Variants in ADCY9 observed in about 807,000 individuals in gnomAD.
ADCY9 encodes adenylate cyclase 9, also known as adenylate cyclase type 9.
ADCY9 carries 50 observed loss-of-function variants against 101.5 expected under a neutral mutation model. The observed-to-expected ratio is 0.49, with a 90% confidence interval of 0.39 to 0.62. The LOEUF (loss-of-function observed/expected upper bound fraction) is 0.62, where lower values mean the gene tolerates loss of function less well. Among genes scored for constraint, ADCY9 ranks in the 20% least tolerant of loss-of-function variants. The pLI is 0.00. For synonymous variants in ADCY9, 905 were observed against 769.3 expected (o/e 1.18, Z -2.92); for missense variants, 1,662 against 1,800.4 (o/e 0.92, Z 1.39).
intron 2 of ADCY9, among the ~76,000 whole-genome samples, chr16:4,021,848 T>G (rs749173641): frequency 6.6e-6 from 1 of 152,204 alleles, no homozygotes; most frequent in East Asian, 1.9e-4. Context: ...TTGAAACGCA[T>G]GAAATCCCCT....
chr16:4,046,102 C>T (rs756051244), intron 2 of ADCY9, among the ~76,000 whole-genome samples: 1 of 152,160 alleles, frequency 6.6e-6, no homozygotes, highest in East Asian at 1.9e-4. Context: ...ACTCCTGCCT[C>T]GGCCTCCCAA....
At chr16:4,086,221 G>A (rs1172950932) in intron 2 of ADCY9, among the ~76,000 whole-genome samples, 1 of 152,000 alleles carries the variant, frequency 6.6e-6, no homozygotes, top group Non-Finnish European at 1.5e-5. Context: ...CACATCTATC[G>A]AGGGGGAGGA....
chr16:3,993,417 T>C lies in ADCY9; in HGVS notation c.1978A>G (p.Asn660Asp). 6.2e-7 allele frequency: 1 copy of C among 1,614,138 alleles called. No individual in the cohort carries two copies. Among genetic ancestry groups the C allele is most frequent in the Non-Finnish European group, 8.5e-7 (1 of 1,179,956 alleles). ...PQNGCQDEHK[N>D]STKASGGPNP... ...CATGAGCTTGTTACCTTGGTGCTGT[T>C]TTTATGCTCGTCTTGGCAGCCGTTT... Residue 660 changes from asparagine to aspartate, a missense_variant, in exon 4 of 11, where the codon AAC (asparagine) becomes GAC (aspartate). Asn to Asp is a conservative substitution (Grantham distance 23). Coordinates refer to ENST00000294016, the MANE Select transcript of ADCY9 (RefSeq NM_001116.4).
At chr16:4,113,461 C>G (rs1255782554) in intron 2 of ADCY9, among the ~76,000 whole-genome samples, 1 of 152,208 alleles carries the variant, frequency 6.6e-6, no homozygotes, top group African/African-American at 2.4e-5. Flanking sequence ...ATTCACCGGA[C>G]GTGCCCCCAC....
At chr16:4,083,047 G>A (rs1269872745) in intron 2 of ADCY9, among the ~76,000 whole-genome samples, 1 of 152,220 alleles carries the variant, frequency 6.6e-6, no homozygotes, top group Non-Finnish European at 1.5e-5. Context: ...AAAGACAGCA[G>A]AGAGCAAAGA....
intron 2 of ADCY9, among the ~76,000 whole-genome samples, chr16:4,065,993 C>T (rs553015415): frequency 2.6e-5 from 4 of 152,326 alleles, no homozygotes; most frequent in South Asian, 2.1e-4. Context: ...CGTGAGCCTC[C>T]GCGCCTGGAC....
intron 2 of ADCY9, among the ~76,000 whole-genome samples, chr16:4,103,786 A>G (rs898395247): frequency 6.6e-6 from 1 of 152,076 alleles, no homozygotes; most frequent in African/African-American, 2.4e-5. Context: ...AGCCAAGATC[A>G]CACCACTGCA....
At chr16:3,966,996 G>C (rs1353609109) in intron 10 of ADCY9, 30 bp from the exon 11 acceptor site, 1 of 1,576,370 alleles carries the variant, frequency 6.3e-7, no homozygotes, top group African/African-American at 1.4e-5. Context: ...GAAAGGGAGA[G>C]GTTACTGCTC....
intron 2 of ADCY9, among the ~76,000 whole-genome samples, chr16:4,020,260 C>G (rs1006590322): frequency 6.6e-6 from 1 of 152,062 alleles, no homozygotes; most frequent in Non-Finnish European, 1.5e-5. Context: ...TTTTAAACAG[C>G]TACATGAGGC....
intron 10 of ADCY9, among the ~76,000 whole-genome samples, chr16:3,968,844 C>CA (rs796811072): frequency 4.0e-5 from 6 of 149,336 alleles, no homozygotes; most frequent in Non-Finnish European, 8.9e-5. Context: ...CCAGTTTCTG[C>CA]TTTTTTTTTT....
rs1315704361 is a variant in ADCY9, at chr16:3,966,656, A to G, written c.3181T>C (p.Phe1061Leu). 1.9e-6 allele frequency: 3 copies of G among 1,614,028 alleles called. No homozygotes were observed. The highest frequency in any genetic ancestry group is 2.5e-6 in the Non-Finnish European group (3 of 1,180,040). Reference protein sequence around the residue: ...SKNHDSGGVIFASIVNFSEFY... With the variant: ...SKNHDSGGVILASIVNFSEFY... Reference sequence around the variant, plus strand: ...TCGCTGAAGTTGACGATGCTGGCGAAGATCACCCCTCCGCTGTCATGGTTC... The same window carrying G: ...TCGCTGAAGTTGACGATGCTGGCGAGGATCACCCCTCCGCTGTCATGGTTC... Residue 1061 changes from phenylalanine to leucine, a missense_variant, in exon 11 of 11, where the codon TTC (phenylalanine) becomes CTC (leucine). Phe to Leu is a conservative substitution (Grantham distance 22). This residue lies in a region of ADCY9 where 220 missense variants were observed against 312.9 expected (regional missense o/e 0.70). Transcript: ENST00000294016.
At chr16:4,073,486 C>A (rs1317678081) in intron 2 of ADCY9, among the ~76,000 whole-genome samples, 1 of 151,958 alleles carries the variant, frequency 6.6e-6, no homozygotes, top group Non-Finnish European at 1.5e-5. Context: ...ACCTCCACCT[C>A]CTGGGTTCAA....
At chr16:4,096,049 C>A (rs967847134) in intron 2 of ADCY9, among the ~76,000 whole-genome samples, 1 of 151,364 alleles carries the variant, frequency 6.6e-6, no homozygotes, top group African/African-American at 2.4e-5. Flanking sequence ...AAACGTGATC[C>A]TCAGGAAACC....
chr16:4,110,878 C>T (rs2057109521), intron 2 of ADCY9, among the ~76,000 whole-genome samples: 1 of 152,200 alleles, frequency 6.6e-6, no homozygotes, highest in Non-Finnish European at 1.5e-5. Context: ...AACGCTGCTT[C>T]TGCCCCATCC....
chr16:3,954,417 G>C (rs979791150), intron 5 of ADCY9, among the ~76,000 whole-genome samples: 2 of 152,210 alleles, frequency 1.3e-5, no homozygotes, highest in African/African-American at 4.8e-5. Flanking sequence ...CAGCCCAGGA[G>C]CGAATGGATG....
At chr16:4,041,077 T>C (rs1011217503) in intron 2 of ADCY9, among the ~76,000 whole-genome samples, 1 of 152,034 alleles carries the variant, frequency 6.6e-6, no homozygotes, top group African/African-American at 2.4e-5. Flanking sequence ...GGGAGGAAAA[T>C]CATATAGGGG....
intron 2 of ADCY9, among the ~76,000 whole-genome samples, chr16:4,052,317 G>C (rs573565069): frequency 6.6e-6 from 1 of 152,332 alleles, no homozygotes; most frequent in East Asian, 1.9e-4. Flanking sequence ...TGGTGGCATG[G>C]TGTGACAGTG....
In ADCY9 at chr16:3,966,442, T is replaced by C. The variant is rs776481614; in HGVS notation, c.3395A>G (p.Gln1132Arg). 28 of 1,614,122 alleles carry C rather than the reference T, an allele frequency of 1.7e-5. No individual in the cohort carries two copies. In the Admixed American group the frequency reaches 4.3e-4, roughly 25 times the overall value. ...TAQAQDGSHP[Q>R]EHLQILFEFA... ...CTCGAACAGGATCTGCAGGTGCTCC[T>C]GCGGGTGGCTGCCGTCCTGGGCCTG... The change falls in exon 11 of 11, where the codon CAG (glutamine) becomes CGG (arginine). Residue 1132 changes from glutamine to arginine, a missense_variant. This residue lies in a region of ADCY9 where 220 missense variants were observed against 312.9 expected (regional missense o/e 0.70). Transcript: ENST00000294016.
In ADCY9 at chr16:4,115,094, G is replaced by T. The variant is rs1370886142; in HGVS notation, c.349C>A (p.Arg117=). ...RCFPQTQRRF[R]YALFYIGFAC... ...AAGCCGATGTAGAAGAGCGCATACC[G>T]GAACCGGCGCTGGGTCTGCGGGAAG... Residue 117 remains arginine, a synonymous_variant, in exon 2 of 11, where the codon CGG becomes AGG. Transcript: ENST00000294016. This position sits in a 1 kb window ranked among gnomAD's most constrained non-coding sequence, Gnocchi z 6.2. The T allele has an allele frequency of 6.2e-7, 1 of 1,613,944 alleles. No individual in the cohort carries two copies. The highest frequency in any genetic ancestry group is 1.3e-5 in the African/African-American group (1 of 75,076).
Sources: gnomAD v4.1 joint callset for allele counts (sites outside exome capture counted in the v4.1 genomes callset) on GRCh38, gnomAD v4.1.1 for gene constraint, gnomAD v4.1.1 regional missense constraint, Gnocchi (gnomAD v3.1) non-coding constraint, MANE v1.5 for transcripts, NCBI Gene and HGNC (gene_info 2026-07-23, HGNC 2026-07-21) for gene names.